PLA2G4E: variants seen among roughly 807,000 people sequenced by gnomAD.
PLA2G4E encodes phospholipase A2 group IVE.
A neutral mutation model predicts 109.1 loss-of-function variants in PLA2G4E; 84 were observed. That is an observed-to-expected ratio of 0.77 (90% CI 0.65 to 0.92). PLA2G4E has a LOEUF of 0.92. PLA2G4E is among the 40% of genes least tolerant of loss of function. PLA2G4E has a pLI of 0.00. For synonymous variants in PLA2G4E, 469 were observed against 436.1 expected, an observed-to-expected ratio of 1.08 and a Z score of -0.94; for missense variants, 1,057 against 1,076.6, an observed-to-expected ratio of 0.98 and a Z score of 0.25.
rs140114406 is a variant in PLA2G4E at position 41,996,848 on chromosome 15, C to T, written c.1110+276G>A. Among the ~76,000 whole-genome samples the T allele has an allele frequency of 1.2e-3, 176 of 152,300 alleles. 3 individuals carry two copies. Among genetic ancestry groups the T allele is most frequent in the Admixed American group, 9.3e-3 (143 of 15,300 alleles). ...GCTGGGGTGAGGAGGGCATTTTATCCCTGAGTAAGGCCCCTTTAGCCACAG... is the reference window on the plus strand; with the variant it reads ...GCTGGGGTGAGGAGGGCATTTTATCTCTGAGTAAGGCCCCTTTAGCCACAG... On this transcript the variant is annotated intron_variant, in intron 11 of 19. Transcript: ENST00000399518.
intron 12 of PLA2G4E, among the ~76,000 whole-genome samples, chr15:41,993,337 C>G (rs1180809761): frequency 1.3e-5 from 2 of 152,116 alleles, no homozygotes; most frequent in African/African-American, 4.8e-5. Context: ...GGGAGAATTA[C>G]AATAATTGTA....
Position 42,003,297 on chromosome 15 carries a change from C to T in PLA2G4E, c.567-601G>A, listed in dbSNP as rs577536799. ...TTGTTGAGAAGGAGTCTCGCTCTGT[C>T]GCCCAGGCTGGAGTGCAATGGCACG... On this transcript the variant is annotated intron_variant, in intron 5 of 19. Coordinates refer to ENST00000399518, the Ensembl canonical transcript of PLA2G4E. 3.3e-5 allele frequency among the ~76,000 whole-genome samples: 5 copies of T among 152,296 alleles called. No individual in the cohort carries two copies. In the East Asian group the frequency reaches 9.7e-4, roughly 29 times the overall value.
intron 13 of PLA2G4E, 53 bp downstream of exon 13, chr15:41,992,684 G>C (rs1033602649): frequency 1.3e-6 from 2 of 1,543,116 alleles, no homozygotes; most frequent in Middle Eastern, 2.4e-4. Flanking sequence ...GGAAGAAAGA[G>C]AGCCAGGCAT....
chr15:41,997,238 C>A, exon 11 of PLA2G4E: 1 of 1,548,758 alleles, frequency 6.5e-7, no homozygotes, highest in Non-Finnish European at 8.7e-7. Context: ...TGAAGCCCAG[C>A]CGCACGTCCA....
rs1386331033 is a variant in PLA2G4E, at chr15:42,008,779, G to GATACATA, written c.257-915_257-914insTATGTAT. Among the ~76,000 whole-genome samples the GATACATA allele has an allele frequency of 5.3e-5, 8 of 152,314 alleles. No homozygotes were observed. In the South Asian group the frequency reaches 6.2e-4, roughly 12 times the overall value. On this transcript the variant is annotated intron_variant, in intron 2 of 19. Coordinates refer to ENST00000399518, the Ensembl canonical transcript of PLA2G4E. ...TGGCAGTTGGTGAGGGTGAGGCCCA[G>GATACATA]GGTACACACCAGATACATAGGAAAT...
chr15:42,013,785 G>T lies in PLA2G4E; in HGVS notation c.184-28C>A, dbSNP rs34700606. On this transcript the variant is annotated intron_variant, in intron 1 of 19. Coordinates refer to ENST00000399518, the Ensembl canonical transcript of PLA2G4E. ...GTGGAAGGAGAGGACAGAGGACTCA[G>T]TCTTCAAGCATTACTCCAAGGCCAT... 543 of 1,528,438 alleles carry T rather than the reference G, an allele frequency of 3.6e-4. 12 individuals are homozygous for T. The South Asian group carries it at 6.3e-3, about 18-fold the overall frequency. The allele number at this position is 1,528,438 out of a possible 1,614,324, so 94.7% of individuals were successfully genotyped here.
intron 1 of PLA2G4E, among the ~76,000 whole-genome samples, chr15:42,027,138 C>T (rs956599443): frequency 1.6e-4 from 24 of 152,136 alleles, no homozygotes; most frequent in African/African-American, 4.3e-4. Flanking sequence ...ACACACGAGA[C>T]GCACGCAGAA....
intron 3 of PLA2G4E, among the ~76,000 whole-genome samples, 181 bp downstream of exon 3, chr15:42,007,548 C>T (rs1054376529): frequency 2.0e-5 from 3 of 152,014 alleles, no homozygotes; most frequent in African/African-American, 7.3e-5. Context: ...CAGAGAGGGG[C>T]AAACATGAGA....
intron 1 of PLA2G4E, among the ~76,000 whole-genome samples, chr15:42,015,306 C>T (rs2068578062): frequency 6.6e-6 from 1 of 152,326 alleles, no homozygotes; most frequent in East Asian, 1.9e-4. Flanking sequence ...AACAGAGTGT[C>T]GCCGGATCAT....
intron 1 of PLA2G4E, among the ~76,000 whole-genome samples, chr15:42,025,970 G>C (rs2068690061): frequency 6.6e-6 from 1 of 152,108 alleles, no homozygotes; most frequent in African/African-American, 2.4e-5. Context: ...GGTGGAGGAG[G>C]ATCTTCCTAA....
At chr15:42,014,618 G>A (rs934746540) in intron 1 of PLA2G4E, among the ~76,000 whole-genome samples, 1 of 152,148 alleles carries the variant, frequency 6.6e-6, no homozygotes, top group Non-Finnish European at 1.5e-5. Flanking sequence ...TGTGCCAGGG[G>A]CTCACCCCCA....
chr15:41,999,516 T>A lies in PLA2G4E; in HGVS notation c.974+8A>T, dbSNP rs1436501154. On this transcript the variant is annotated splice_region_variant and intron_variant, in intron 10 of 19. Coordinates refer to ENST00000399518, the Ensembl canonical transcript of PLA2G4E. Reference sequence around the variant, plus strand: ...GTGAGAGGCACGGACAGAATGCGGGTACTATACCAGGGTGTAGACTTCATG... The same window carrying A: ...GTGAGAGGCACGGACAGAATGCGGGAACTATACCAGGGTGTAGACTTCATG... The A allele has an allele frequency of 9.5e-6, 15 of 1,584,572 alleles. No individual in the cohort carries two copies. The South Asian group carries it at 1.6e-4, about 16-fold the overall frequency.
chr15:41,992,940 G>C, exon 13 of PLA2G4E: 1 of 1,612,594 alleles, frequency 6.2e-7, no homozygotes, highest in Non-Finnish European at 8.5e-7. Context: ...TCAGGGTCAC[G>C]GTACAAGGTA....
chr15:41,989,006 G>A (rs1201860752), intron 15 of PLA2G4E, among the ~76,000 whole-genome samples: 1 of 152,252 alleles, frequency 6.6e-6, no homozygotes, highest in Non-Finnish European at 1.5e-5. Flanking sequence ...GGTGGGCCCA[G>A]CTCATGAAGA....
At chr15:42,030,836 G>A (rs1036169640) in intron 1 of PLA2G4E, among the ~76,000 whole-genome samples, 1 of 152,204 alleles carries the variant, frequency 6.6e-6, no homozygotes, top group Non-Finnish European at 1.5e-5. Flanking sequence ...CTTTCATTTA[G>A]CATAAGGCTT....
rs185484912 is a variant in PLA2G4E at position 42,035,630 on chromosome 15, C to T, written c.183+14891G>A. On this transcript the variant is annotated intron_variant, in intron 1 of 19. Coordinates refer to ENST00000399518, the Ensembl canonical transcript of PLA2G4E. Reference sequence around the variant, plus strand: ...CAGGATAAGAATTTGCAGATGGGCTCGGCACTTGGGCTTCAGGTTAATTTT... The same window carrying T: ...CAGGATAAGAATTTGCAGATGGGCTTGGCACTTGGGCTTCAGGTTAATTTT... Among the ~76,000 whole-genome samples the T allele has an allele frequency of 3.9e-5, 6 of 152,186 alleles. No homozygotes were observed. In the East Asian group the frequency reaches 1.2e-3, roughly 29 times the overall value.
At chr15:42,005,470 G>T (rs187567633) in intron 4 of PLA2G4E, among the ~76,000 whole-genome samples, 1 of 152,360 alleles carries the variant, frequency 6.6e-6, no homozygotes, top group East Asian at 1.9e-4. Flanking sequence ...TAGTTCCCAA[G>T]GGGACCCAGT....
chr15:41,982,096 G>A (rs1275794508), exon 20 of PLA2G4E: 2 of 152,112 alleles, frequency 1.3e-5, no homozygotes, highest in East Asian at 1.9e-4. Flanking sequence ...GATGTACATC[G>A]GAGGCCAATT....
At chr15:42,015,937 G>C (rs2068589746) in intron 1 of PLA2G4E, among the ~76,000 whole-genome samples, 1 of 152,178 alleles carries the variant, frequency 6.6e-6, no homozygotes, top group African/African-American at 2.4e-5. Context: ...ATGACTTGAA[G>C]CCCCTTCGCT....
Sources: gnomAD v4.1 joint callset for allele counts (sites outside exome capture counted in the v4.1 genomes callset) on GRCh38, gnomAD v4.1.1 for gene constraint, MANE v1.5 for transcripts, NCBI Gene and HGNC (gene_info 2026-07-23, HGNC 2026-07-21) for gene names.